STRA6: variants seen among roughly 807,000 people sequenced by gnomAD.
The protein encoded by STRA6 is receptor for retinol uptake STRA6.
STRA6 carries 48 observed loss-of-function variants against 83.6 expected under a neutral mutation model. That is an observed-to-expected ratio of 0.57 (90% CI 0.46 to 0.73). The LOEUF (loss-of-function observed/expected upper bound fraction) is 0.73. STRA6 is among the 30% of genes least tolerant of loss of function. The pLI, the probability that STRA6 is intolerant of heterozygous loss-of-function variation, is 0.00. For missense variants in STRA6, 760 were observed against 838.8 expected (o/e 0.91, Z 1.16); for synonymous variants, 353 against 362.3 (o/e 0.97, Z 0.29).
chr15:74,185,379 T>G (rs2073192421), intron 12 of STRA6, among the ~76,000 whole-genome samples: 1 of 152,258 alleles, frequency 6.6e-6, no homozygotes, highest in Admixed American at 6.5e-5. Flanking sequence ...GCTTCACTGC[T>G]TCTTGGCCAT....
rs2073685197 is a variant in STRA6, at chr15:74,194,010, G to A, written c.598-88C>T. 2.5e-6 allele frequency: 4 copies of A among 1,578,198 alleles called. No individual in the cohort carries two copies. In the Admixed American group the frequency reaches 6.8e-5, roughly 27 times the overall value. On this transcript the variant is annotated intron_variant, in intron 7 of 18. Transcript: ENST00000395105. ...TCCGTTGCCCTTCCCACCTCACACT[G>A]GGCCCTGAGGGTGGTCTGGGGGGCC...
In STRA6 at chr15:74,191,190, T is replaced by C. The variant is rs781618105; in HGVS notation, c.842A>G (p.His281Arg). The C allele has an allele frequency of 1.8e-4, 292 of 1,613,256 alleles. No homozygotes were observed. Among genetic ancestry groups the C allele is most frequent in the Non-Finnish European group, 2.3e-4 (275 of 1,179,804 alleles). The change falls in exon 10 of 19, where the codon CAC (histidine) becomes CGC (arginine). Residue 281 changes from histidine (H) to arginine (R), a missense_variant. His to Arg is a conservative substitution (Grantham distance 29). Transcript: ENST00000395105. Reference sequence around the variant, plus strand: ...ACCTGGCTGTGGAGTGTAGATGCAGTGTCTCAAGCAGACGCGGGCCCAGGA... The same window carrying C: ...ACCTGGCTGTGGAGTGTAGATGCAGCGTCTCAAGCAGACGCGGGCCCAGGA... ...FLSWARVCLR[H>R]CIYTPQPGFH...
chr15:74,197,128 C>T (rs575973106), intron 4 of STRA6, among the ~76,000 whole-genome samples: 246 of 152,252 alleles, frequency 1.6e-3, no homozygotes, highest in Non-Finnish European at 2.7e-3. Context: ...TTCTCCCAGG[C>T]GGGCTTGAGC....
At chr15:74,182,785 G>A (rs2073059752) in intron 14 of STRA6, 4 of 362,240 alleles carry the variant, frequency 1.1e-5, no homozygotes, top group African/African-American at 8.4e-5. Context: ...GAGTTACTGG[G>A]GGATAAGGCT....
At chr15:74,189,817 C>T (rs2073444800) in intron 11 of STRA6, among the ~76,000 whole-genome samples, 1 of 152,022 alleles carries the variant, frequency 6.6e-6, no homozygotes, top group South Asian at 2.1e-4. Context: ...GCCCGCGCCA[C>T]CACCGCCAGC....
chr15:74,200,152 G>A (rs780592653), intron 2 of STRA6, among the ~76,000 whole-genome samples: 3 of 152,188 alleles, frequency 2.0e-5, no homozygotes, highest in Non-Finnish European at 2.9e-5. Context: ...CTGGGGAAGC[G>A]GAGGTTGCAG....
intron 7 of STRA6, 42 bp from the exon 8 acceptor site, chr15:74,193,964 TC>T (rs776669994): frequency 6.2e-7 from 1 of 1,607,266 alleles, no homozygotes; most frequent in Non-Finnish European, 8.5e-7. Context: ...TCCACCTTCT[TC>T]CCCCAGCCAA....
intron 8 of STRA6, among the ~76,000 whole-genome samples, chr15:74,192,301 C>T (rs1022359005): frequency 5.9e-5 from 9 of 152,102 alleles, no homozygotes; most frequent in Non-Finnish European, 2.9e-5. Flanking sequence ...CCCGGGGGGC[C>T]GCTCCCTTTT....
At chr15:74,200,710 A>C (rs2074019782) in intron 2 of STRA6, among the ~76,000 whole-genome samples, 1 of 152,232 alleles carries the variant, frequency 6.6e-6, no homozygotes, top group African/African-American at 2.4e-5. Flanking sequence ...TGGCTAAGTA[A>C]GTAGATTCAA....
At chr15:74,185,910 C>T (rs995526669) in intron 12 of STRA6, among the ~76,000 whole-genome samples, 6 of 152,258 alleles carry the variant, frequency 3.9e-5, no homozygotes, top group Non-Finnish European at 7.3e-5. Context: ...GAGATGCCTG[C>T]ACCCTGATCT....
At chr15:74,201,391 G>A (rs1273541284) in intron 2 of STRA6, among the ~76,000 whole-genome samples, 1 of 152,204 alleles carries the variant, frequency 6.6e-6, no homozygotes, top group Non-Finnish European at 1.5e-5. Flanking sequence ...CAACAGGGGA[G>A]AACTGGCTCT....
intron 16 of STRA6, 83 bp from the exon 17 acceptor site, chr15:74,181,541 C>T: frequency 6.5e-7 from 1 of 1,549,560 alleles, no homozygotes; most frequent in South Asian, 1.2e-5. Flanking sequence ...ATGCCCAGAA[C>T]TGCTGTGTAT....
At chr15:74,195,230 A>G in intron 7 of STRA6, 72 bp downstream of exon 7, 2 of 1,580,656 alleles carry the variant, frequency 1.3e-6, no homozygotes, top group Non-Finnish European at 1.7e-6. Flanking sequence ...TCAGAGCTCA[A>G]AGGAGGCACT....
At chr15:74,193,959 CT>C in intron 7 of STRA6, 37 bp from the exon 8 acceptor site, 1 of 1,608,960 alleles carries the variant, frequency 6.2e-7, no homozygotes, top group Non-Finnish European at 8.5e-7. Context: ...TACTTTCCAC[CT>C]TCTTCCCCCA....
chr15:74,182,339 T>A lies in STRA6; in HGVS notation c.1418+4A>T, dbSNP rs1567178469. 6.2e-7 allele frequency: 1 copy of A among 1,614,082 alleles called. No individual in the cohort carries two copies. On this transcript the variant is annotated splice_donor_region_variant and intron_variant, in intron 15 of 18. Transcript: ENST00000395105. Reference sequence around the variant, plus strand: ...CTGAGCCCTCCATGTCTTGTTTCACTCACCACGAGGACTCCAGGGAACGGA... The same window carrying A: ...CTGAGCCCTCCATGTCTTGTTTCACACACCACGAGGACTCCAGGGAACGGA...
chr15:74,185,758 G>A (rs73431467), intron 12 of STRA6, among the ~76,000 whole-genome samples: 4,107 of 152,338 alleles, frequency 0.027, 210 homozygotes, highest in African/African-American at 0.092. Flanking sequence ...CAGCAACCCC[G>A]CAAGGTTAGA....
chr15:74,196,359 CACAT>C (rs2073823100), intron 4 of STRA6: 1 of 742,380 alleles, frequency 1.3e-6, no homozygotes, highest in Non-Finnish European at 2.2e-6. Context: ...ACTTGGGACA[CACAT>C]ACAGTGGGAA....
chr15:74,185,614 C>T (rs1424884080), intron 12 of STRA6, among the ~76,000 whole-genome samples: 1 of 152,206 alleles, frequency 6.6e-6, no homozygotes, highest in Non-Finnish European at 1.5e-5. Context: ...CCCTCACCCT[C>T]TCCCTGGCCA....
chr15:74,209,298 G>C, upstream of STRA6: 1 of 1,407,198 alleles, frequency 7.1e-7, no homozygotes, highest in South Asian at 1.2e-5. Context: ...CCTGCACAGG[G>C]CTTTGATGGC....
Sources: allele counts gnomAD v4.1 joint callset (sites outside exome capture counted in the v4.1 genomes callset), GRCh38; gene constraint gnomAD v4.1.1; transcripts MANE v1.5; gene names NCBI Gene and HGNC (gene_info 2026-07-23, HGNC 2026-07-21).